Variants in UBN2 observed in about 807,000 individuals in gnomAD.
UBN2 encodes the protein ubinuclein 2.
A neutral mutation model predicts 120.2 loss-of-function variants in UBN2; 35 were observed. The observed-to-expected ratio is 0.29, with a 90% CI of 0.22 to 0.39. The LOEUF (loss-of-function observed/expected upper bound fraction) is 0.39. Ranked by LOEUF, UBN2 falls within the 10% of genes least tolerant of loss-of-function variation. The pLI is 1.00. For synonymous variants in UBN2, 661 were observed against 648.7 expected (o/e 1.02, Z -0.29); for missense variants, 1,693 against 1,663.2 (o/e 1.02, Z -0.31).
At chr7:139,289,000 CAA>C (rs200360523) in intron 15 of UBN2, among the ~76,000 whole-genome samples, 30 of 66,650 alleles carry the variant, frequency 4.5e-4, no homozygotes, top group Admixed American at 5.4e-4. Flanking sequence ...GACGCCATCT[CAA>C]AAAAAAAAAA....
intron 3 of UBN2, among the ~76,000 whole-genome samples, chr7:139,255,616 C>CT (rs1355375900): frequency 2.0e-5 from 3 of 151,830 alleles, no homozygotes; most frequent in Non-Finnish European, 4.4e-5. Flanking sequence ...TGTCTTTGCC[C>CT]TTGACATATT....
chr7:139,274,174 G>T, intron 11 of UBN2, 100 bp downstream of exon 11: 1 of 1,221,022 alleles, frequency 8.2e-7, no homozygotes. Context: ...ATTTTGCTAA[G>T]AACCTAATAT....
the UBN2 span, among the ~76,000 whole-genome samples, chr7:139,314,974 TAA>T: frequency 1.1e-4 from 17 of 150,778 alleles, no homozygotes; most frequent in African/African-American, 3.2e-4. Context: ...ATAATAATAA[TAA>T]TATTATTATT....
At chr7:139,321,043 T>C in the UBN2 span, among the ~76,000 whole-genome samples, 1 of 152,228 alleles carries the variant, frequency 6.6e-6, no homozygotes, top group Non-Finnish European at 1.5e-5. Flanking sequence ...GGGGTTACTT[T>C]TTATAATGAT....
intron 15 of UBN2, among the ~76,000 whole-genome samples, chr7:139,289,440 TCTCA>T (rs1797884324): frequency 6.8e-6 from 1 of 147,478 alleles, no homozygotes; most frequent in Non-Finnish European, 1.5e-5. Context: ...TGAGACAGGG[TCTCA>T]CTCTGTTGCC....
intron 13 of UBN2, among the ~76,000 whole-genome samples, chr7:139,280,384 GAATC>G (rs1346427643): frequency 6.6e-6 from 1 of 152,132 alleles, no homozygotes; most frequent in Non-Finnish European, 1.5e-5. Context: ...ATTTGAAAGA[GAATC>G]AAAATATAAC....
intron 7 of UBN2, among the ~76,000 whole-genome samples, chr7:139,267,413 A>G (rs907619736): frequency 1.3e-5 from 2 of 151,954 alleles, no homozygotes; most frequent in African/African-American, 2.4e-5. Context: ...GTGCACACCT[A>G]TCATGTCGGC....
downstream of UBN2, among the ~76,000 whole-genome samples, chr7:139,310,029 A>G (rs1022913733): frequency 2.6e-5 from 4 of 152,178 alleles, no homozygotes; most frequent in Non-Finnish European, 4.4e-5. Flanking sequence ...TGTAACAAAT[A>G]GGTGACTTTT....
chr7:139,285,366 A>G (rs1036822986), intron 15 of UBN2, among the ~76,000 whole-genome samples: 3 of 152,270 alleles, frequency 2.0e-5, no homozygotes, highest in Non-Finnish European at 2.9e-5. Context: ...CATAAATGCT[A>G]TTTTACCTTA....
At chr7:139,329,872 G>T in the UBN2 span, among the ~76,000 whole-genome samples, 1 of 152,092 alleles carries the variant, frequency 6.6e-6, no homozygotes, top group African/African-American at 2.4e-5. Context: ...GAAAAGAAAA[G>T]CAGAAAAGCA....
At chr7:139,269,283 G>T in intron 7 of UBN2, 111 bp from the exon 8 acceptor site, 1 of 1,084,038 alleles carries the variant, frequency 9.2e-7, no homozygotes. Context: ...TACTGTTTAG[G>T]AAATCATGAA....
intron 6 of UBN2, among the ~76,000 whole-genome samples, chr7:139,265,178 C>T (rs1053849792): frequency 2.0e-5 from 3 of 151,924 alleles, no homozygotes; most frequent in Non-Finnish European, 4.4e-5. Context: ...TTTTCATGTT[C>T]TTAGGATCAC....
At chr7:139,255,868 T>C (rs1796750755) in intron 3 of UBN2, among the ~76,000 whole-genome samples, 1 of 152,212 alleles carries the variant, frequency 6.6e-6, no homozygotes, top group Non-Finnish European at 1.5e-5. Flanking sequence ...AAATGTTTTG[T>C]TTATTATTAA....
At chr7:139,317,285 C>T in the UBN2 span, among the ~76,000 whole-genome samples, 1 of 152,158 alleles carries the variant, frequency 6.6e-6, no homozygotes, top group Non-Finnish European at 1.5e-5. Flanking sequence ...GTCCTCCCAC[C>T]TCAGCCTCCC....
At chr7:139,247,110 T>C (rs971925712) in intron 2 of UBN2, among the ~76,000 whole-genome samples, 1 of 151,772 alleles carries the variant, frequency 6.6e-6, no homozygotes, top group African/African-American at 2.4e-5. Context: ...GGTAACTGTA[T>C]GCTTAATAAG....
chr7:139,274,530 A>G (rs1021957173), intron 11 of UBN2, among the ~76,000 whole-genome samples: 1 of 152,204 alleles, frequency 6.6e-6, no homozygotes, highest in African/African-American at 2.4e-5. Context: ...TGGGAGGCCA[A>G]GGCAGGTGGA....
At chr7:139,274,631 G>A (rs1472911363) in intron 11 of UBN2, among the ~76,000 whole-genome samples, 3 of 151,896 alleles carry the variant, frequency 2.0e-5, no homozygotes, top group Non-Finnish European at 2.9e-5. Flanking sequence ...GCGTGGTGGC[G>A]CATGCCTGTT....
At chr7:139,280,924 A>T (rs1297865083) in intron 13 of UBN2, among the ~76,000 whole-genome samples, 1 of 152,218 alleles carries the variant, frequency 6.6e-6, no homozygotes, top group Non-Finnish European at 1.5e-5. Context: ...GATTACAGGC[A>T]TGCGCCACTA....
At position 139,306,770 on chromosome 7, in the gene UBN2, C is replaced by A. The variant is rs537597481; in HGVS notation, c.*8934C>A. 4 of 152,146 alleles carry A rather than the reference C, an allele frequency of 2.6e-5. No homozygotes were observed. Among genetic ancestry groups the A allele is most frequent in the Non-Finnish European group, 5.9e-5 (4 of 68,034 alleles). The allele number at this position is 152,146 out of a possible 1,614,324, so 9.4% of individuals were successfully genotyped here. On this transcript the variant is annotated 3_prime_UTR_variant, in exon 18 of 18. Coordinates refer to ENST00000473989, the MANE Select transcript of UBN2 (RefSeq NM_173569.4). ...GCCCTTGGATTTCACTTGTTAAACA[C>A]CCTCAAACTTAAAAGAAGAAAATAG...
Sources: allele counts gnomAD v4.1 joint callset (sites outside exome capture counted in the v4.1 genomes callset), GRCh38; gene constraint gnomAD v4.1.1; transcripts MANE v1.5; gene names NCBI Gene and HGNC (gene_info 2026-07-23, HGNC 2026-07-21).